Variants in DLC1 observed in about 807,000 individuals in gnomAD.
The protein encoded by DLC1 is DLC1 Rho GTPase activating protein.
In DLC1, 54 loss-of-function variants were observed where a neutral mutation model predicts 140.3. The ratio of observed to expected loss-of-function variants is 0.38; its 90% CI spans 0.31 to 0.48. The LOEUF is 0.48. Among genes scored for constraint, DLC1 ranks in the 20% least tolerant of loss-of-function variants. The pLI is 0.96. For missense variants in DLC1, 2,536 were observed against 1,907.0 expected (o/e 1.33, Z -6.14); for synonymous variants, 986 against 728.1 (o/e 1.35, Z -5.70).
chr8:13,163,050 A>C (rs1824839184), intron 5 of DLC1, among the ~76,000 whole-genome samples: 2 of 152,166 alleles, frequency 1.3e-5, no homozygotes, highest in Non-Finnish European at 1.5e-5. Context: ...TAGGGCTTTG[A>C]GACACCTGTA....
intron 1 of DLC1, among the ~76,000 whole-genome samples, chr8:13,528,912 G>T (rs923382874): frequency 3.3e-5 from 5 of 152,176 alleles, no homozygotes; most frequent in Non-Finnish European, 7.3e-5. Flanking sequence ...CCAATCTGAT[G>T]AGGCTGAAGT....
rs543979235 is a variant in DLC1, at chr8:13,085,473, G to A, written c.*338C>T. The A allele has an allele frequency of 2.5e-5, 5 of 199,656 alleles. No individual in the cohort carries two copies. The South Asian group carries it at 5.4e-4, about 22-fold the overall frequency. The allele number at this position is 199,656 out of a possible 1,614,324, so 12.4% of individuals were successfully genotyped here. A position where few individuals can be genotyped will look rare whatever the true frequency, so the allele number is the denominator to read the frequency against. On this transcript the variant is annotated 3_prime_UTR_variant, in exon 18 of 18. Coordinates refer to ENST00000276297, the MANE Select transcript of DLC1 (RefSeq NM_182643.3). ...ACTGCAAATAAAGCGACACAGGTAC[G>A]CATACACTGATATCACAAGAGAATG...
At chr8:13,415,593 G>A (rs1838018044) in intron 2 of DLC1, among the ~76,000 whole-genome samples, 1 of 151,862 alleles carries the variant, frequency 6.6e-6, no homozygotes, top group South Asian at 2.1e-4. Context: ...TAGAGATGGG[G>A]TTTCACCGTA....
intron 1 of DLC1, among the ~76,000 whole-genome samples, chr8:13,553,962 C>G (rs889117696): frequency 3.9e-5 from 6 of 152,080 alleles, no homozygotes; most frequent in South Asian, 4.1e-4. Context: ...TTCTAACATC[C>G]CTGCCCCCTT....
intron 3 of DLC1, among the ~76,000 whole-genome samples, chr8:13,394,014 C>CCACA (rs3065557): frequency 0.22 from 34,171 of 151,984 alleles, 4,500 homozygotes; most frequent in Admixed American, 0.28. Context: ...AAGCCCACAG[C>CCACA]CACACCTTCC....
chr8:13,095,383 A>G, intron 10 of DLC1, 138 bp from the exon 11 acceptor site: 1 of 1,093,448 alleles, frequency 9.1e-7, no homozygotes, highest in Middle Eastern at 3.0e-4. Flanking sequence ...AAATTAAACA[A>G]AATGACAAAT....
rs187529677 is a variant in DLC1 at position 13,453,270 on chromosome 8, C to G, written c.1023+45779G>C. On this transcript the variant is annotated intron_variant, in intron 2 of 17. Transcript: ENST00000276297. ...TAAGAAGACTAAAGATTCATTTTAT[C>G]AAAAAATTAATAAAGCGGCAAGTCA... 4.1e-5 allele frequency among the ~76,000 whole-genome samples: 6 copies of G among 146,032 alleles called. 1 individual carries two copies. In the South Asian group the frequency reaches 1.1e-3, roughly 26 times the overall value.
intron 2 of DLC1, among the ~76,000 whole-genome samples, chr8:13,465,465 A>G (rs867267926): frequency 6.6e-6 from 1 of 152,220 alleles, no homozygotes; most frequent in East Asian, 1.9e-4. Flanking sequence ...CGTCACTATG[A>G]CTTTAATTTG....
chr8:13,401,656 G>A (rs1461131368), intron 2 of DLC1, 37 bp from the exon 3 acceptor site: 2 of 1,590,382 alleles, frequency 1.3e-6, no homozygotes, highest in South Asian at 1.1e-5. Context: ...AATCTGAAAG[G>A]CCATTTCTTA....
intron 5 of DLC1, among the ~76,000 whole-genome samples, chr8:13,125,419 C>T (rs920355186): frequency 1.3e-5 from 2 of 152,244 alleles, no homozygotes; most frequent in African/African-American, 4.8e-5. Context: ...GAAAACACTT[C>T]AATGCATAGA....
intron 5 of DLC1, among the ~76,000 whole-genome samples, chr8:13,294,823 A>G (rs1027813623): frequency 1.3e-5 from 2 of 152,162 alleles, no homozygotes; most frequent in East Asian, 1.9e-4. Context: ...GACTTTGGGT[A>G]TCTTAGGGAG....
rs184224523 is a variant in DLC1 at position 13,091,872 on chromosome 8, C to T, written c.3741-440G>A. On this transcript the variant is annotated intron_variant, in intron 13 of 17. Transcript: ENST00000276297. ...CATTGTTTCCTTGACCTTTTGTCTT[C>T]ATCTTATTTGATCTCTCTCCTCTAC... Among the ~76,000 whole-genome samples the T allele has an allele frequency of 3.3e-5, 5 of 152,254 alleles. No individual in the cohort carries two copies. In the East Asian group the frequency reaches 7.7e-4, roughly 23 times the overall value.
At chr8:13,470,623 GA>G (rs1363720847) in intron 2 of DLC1, among the ~76,000 whole-genome samples, 1 of 152,152 alleles carries the variant, frequency 6.6e-6, no homozygotes, top group Non-Finnish European at 1.5e-5. Flanking sequence ...AAAGCGTGGA[GA>G]AAAGGAAACT....
chr8:13,416,348 G>T (rs1838056687), intron 2 of DLC1, among the ~76,000 whole-genome samples: 2 of 152,100 alleles, frequency 1.3e-5, no homozygotes, highest in African/African-American at 4.8e-5. Context: ...AAAGGAAGTT[G>T]CAAAATGATG....
At chr8:13,363,058 T>C (rs1835311319) in intron 4 of DLC1, among the ~76,000 whole-genome samples, 1 of 152,192 alleles carries the variant, frequency 6.6e-6, no homozygotes, top group South Asian at 2.1e-4. Context: ...GCATACAATA[T>C]TGGTCTTTGC....
At chr8:13,553,228 GTATA>G (rs59463537) in intron 1 of DLC1, among the ~76,000 whole-genome samples, 27 of 47,490 alleles carry the variant, frequency 5.7e-4, no homozygotes, top group African/African-American at 1.8e-3. Flanking sequence ...ATATATATAT[GTATA>G]TATATATATA....
At chr8:13,321,017 TC>T (rs1482473446) in intron 4 of DLC1, among the ~76,000 whole-genome samples, 1 of 152,102 alleles carries the variant, frequency 6.6e-6, no homozygotes, top group Non-Finnish European at 1.5e-5. Context: ...GCACCATGCT[TC>T]TTGTACAGCC....
chr8:13,412,897 A>G (rs967483308), intron 2 of DLC1, among the ~76,000 whole-genome samples: 1 of 138,122 alleles, frequency 7.2e-6, no homozygotes, highest in Non-Finnish European at 1.5e-5. Context: ...GTGCCACTGC[A>G]CTCCAGTCTG....
At chr8:13,114,868 G>T (rs1820416854) in intron 6 of DLC1, among the ~76,000 whole-genome samples, 1 of 152,154 alleles carries the variant, frequency 6.6e-6, no homozygotes, top group South Asian at 2.1e-4. Flanking sequence ...AGGGAATGTG[G>T]ATACACAGAT....
Sources: gnomAD v4.1 joint callset for allele counts (sites outside exome capture counted in the v4.1 genomes callset) on GRCh38, gnomAD v4.1.1 for gene constraint, MANE v1.5 for transcripts, NCBI Gene and HGNC (gene_info 2026-07-23, HGNC 2026-07-21) for gene names.